The following ITIH6 variants were observed in gnomAD, a reference collection of about 807,000 sequenced individuals.
ITIH6 encodes the protein inter-alpha-trypsin inhibitor heavy chain H6.
A neutral mutation model predicts 58.2 loss-of-function variants in ITIH6; 60 were observed. That is an observed-to-expected ratio of 1.03 (90% CI 0.84 to 1.28). ITIH6 has a LOEUF of 1.28. Ranked by LOEUF, ITIH6 falls within the 50% of genes most tolerant of loss-of-function variation. The pLI is 0.00. For missense variants in ITIH6, 1,290 were observed against 1,021.1 expected, an observed-to-expected ratio of 1.26 and a Z score of -3.59; for synonymous variants, 493 against 417.4, an observed-to-expected ratio of 1.18 and a Z score of -2.21.
At chrX:54,770,453 G>A (rs1223264675) in intron 6 of ITIH6, among the ~76,000 whole-genome samples, 1 of 112,704 alleles carries the variant, frequency 8.9e-6, no homozygotes, top group Non-Finnish European at 1.9e-5. Flanking sequence ...GGCTTCTCTA[G>A]TTTTAACTGG....
chrX:54,785,691 C>T (rs776638172), intron 5 of ITIH6, among the ~76,000 whole-genome samples: 210 of 111,706 alleles, frequency 1.9e-3, no homozygotes, highest in African/African-American at 6.5e-3. Context: ...TGTCTGCCCA[C>T]TCCCTTCGCA....
chrX:54,774,432 T>G (rs1209299521), intron 5 of ITIH6, among the ~76,000 whole-genome samples: 1 of 113,066 alleles, frequency 8.8e-6, no homozygotes, highest in African/African-American at 3.2e-5. Flanking sequence ...GTGGAGGGAA[T>G]GAGACTGGCT....
At chrX:54,753,897 C>CA in intron 10 of ITIH6, 33 bp downstream of exon 10, 1 of 1,196,045 alleles carries the variant, frequency 8.4e-7, no homozygotes, top group Non-Finnish European at 1.1e-6. Context: ...GCCCTGTACT[C>CA]AAACAGGGGA....
intron 6 of ITIH6, among the ~76,000 whole-genome samples, chrX:54,768,646 T>TTTTATA (rs1217959070): frequency 1.8e-4 from 20 of 108,975 alleles, no homozygotes; most frequent in Admixed American, 1.8e-3. Flanking sequence ...GAAGCTTAGT[T>TTTTATA]TGGCTGGATA....
At chrX:54,765,704 C>T (rs767980310) in intron 6 of ITIH6, among the ~76,000 whole-genome samples, 82 of 108,177 alleles carry the variant, frequency 7.6e-4, no homozygotes, top group African/African-American at 2.2e-3. Context: ...CCTGGGTTCA[C>T]GAAGCGGCGT....
At position 54,757,137 on chromosome X, in the gene ITIH6, G is replaced by A; in HGVS notation, c.2937C>T (p.Gly979=). 7.4e-6 allele frequency: 9 copies of A among 1,211,568 alleles called. No homozygotes were observed. The highest frequency in any genetic ancestry group is 1.0e-5 in the Non-Finnish European group (9 of 895,443). ...LLNSSRPTPE[G]SPPNLPILLP... ...GCAAGATTGGCAGGTTTGGAGGGCT[G>A]CCTTCTGGTGTAGGCCTGGAGCTGT... Residue 979 remains glycine (G), a synonymous_variant, in exon 8 of 13, where the codon GGC becomes GGT. Coordinates refer to ENST00000218436, the MANE Select transcript of ITIH6 (RefSeq NM_198510.3).
At chrX:54,774,011 G>T (rs1929004224) in intron 6 of ITIH6, 70 bp downstream of exon 6, 2 of 634,871 alleles carry the variant, frequency 3.2e-6, no homozygotes, top group Non-Finnish European at 4.9e-6. Context: ...GGGCCCCATT[G>T]TTACCACGCT....
At chrX:54,778,677 C>T in intron 5 of ITIH6, among the ~76,000 whole-genome samples, 1 of 110,977 alleles carries the variant, frequency 9.0e-6, no homozygotes, top group Non-Finnish European at 1.9e-5. Flanking sequence ...GTTAGTGGCC[C>T]TAATGAGGAG....
chrX:54,752,271 G>T (rs1928380372), intron 11 of ITIH6, among the ~76,000 whole-genome samples: 1 of 111,759 alleles, frequency 8.9e-6, no homozygotes. Context: ...GCATTAAGAA[G>T]GACAAGACAT....
At chrX:54,788,045 C>G (rs1475786880) in intron 5 of ITIH6, among the ~76,000 whole-genome samples, 1 of 111,225 alleles carries the variant, frequency 9.0e-6, no homozygotes, top group African/African-American at 3.3e-5. Context: ...CTGAAGGACT[C>G]TCTGTTTAGG....
chrX:54,758,489 G>GTGGGCCACTGTGGTGGGCCA lies in ITIH6; in HGVS notation c.1584_1585insTGGCCCACCACAGTGGCCCA (p.Leu529TrpfsTer84), dbSNP rs1290870859. The GTGGGCCACTGTGGTGGGCCA allele has an allele frequency of 1.7e-6, 2 of 1,208,777 alleles. No homozygotes were observed. The highest frequency in any genetic ancestry group is 3.5e-5 in the African/African-American group (2 of 57,231). ...CCTTCACTGTGGTGGGCCACAAGAA[G>GTGGGCCACTGTGGTGGGCCA]CTGATCCTTGGGGCCACGGGCTGCC... is the stretch of plus-strand genomic sequence containing the variant. On this transcript the variant is annotated frameshift_variant, in exon 8 of 13. Transcript: ENST00000218436. LOFTEE classifies it high-confidence loss of function.
chrX:54,763,763 C>T (rs188082410), intron 6 of ITIH6, among the ~76,000 whole-genome samples: 89 of 111,863 alleles, frequency 8.0e-4, no homozygotes, highest in African/African-American at 1.4e-3. Flanking sequence ...ACTGATAAAG[C>T]GATGATGAAG....
intron 7 of ITIH6, 76 bp downstream of exon 7, chrX:54,759,680 G>T: frequency 1.2e-6 from 1 of 827,203 alleles, no homozygotes; most frequent in Non-Finnish European, 1.7e-6. Flanking sequence ...GGAGGATGGG[G>T]GAATGAAGAG....
chrX:54,759,651 C>A (rs1360470276), intron 7 of ITIH6, 105 bp downstream of exon 7: 2 of 626,739 alleles, frequency 3.2e-6, no homozygotes, highest in African/African-American at 4.6e-5. Context: ...CTTGATATTT[C>A]AGGAACTGTG....
intron 5 of ITIH6, among the ~76,000 whole-genome samples, chrX:54,781,598 T>C (rs200190209): frequency 7.1e-5 from 8 of 112,424 alleles, no homozygotes; most frequent in Admixed American, 6.6e-4. Context: ...GAAGGCAAGA[T>C]TGCAGAGAAA....
chrX:54,757,711 G>A lies in ITIH6; in HGVS notation c.2363C>T (p.Ala788Val). 1.7e-6 allele frequency: 2 copies of A among 1,211,583 alleles called. No individual in the cohort carries two copies. The highest frequency in any genetic ancestry group is 2.2e-6 in the Non-Finnish European group (2 of 895,404). Residue 788 changes from alanine to valine, a missense_variant, in exon 8 of 13, where the codon GCT becomes GTT. Transcript: ENST00000218436. ...TGCCCCAAGTTGGGGGTGCGATGGA[G>A]CACCAGGTTTGGAATGCAGTGGAGT... Reference protein sequence around the residue: ...CVTPLHSKPGAPSHPQLGALT... With the variant: ...CVTPLHSKPGVPSHPQLGALT...
intron 6 of ITIH6, among the ~76,000 whole-genome samples, chrX:54,762,101 T>C (rs1006186269): frequency 5.4e-5 from 6 of 112,032 alleles, no homozygotes; most frequent in African/African-American, 1.9e-4. Flanking sequence ...ATTTGTGTCC[T>C]GTTTTATTTC....
At chrX:54,753,865 C>A in intron 10 of ITIH6, 65 bp downstream of exon 10, 1 of 1,142,955 alleles carries the variant, frequency 8.7e-7, no homozygotes. Context: ...ATTTCCCCAG[C>A]CCCAGTCCCA....
intron 2 of ITIH6, among the ~76,000 whole-genome samples, chrX:54,794,468 C>T (rs1371592296): frequency 9.0e-6 from 1 of 111,124 alleles, no homozygotes; most frequent in Non-Finnish European, 1.9e-5. Flanking sequence ...CTTTTTGGTC[C>T]TTGATTCCCC....
Sources: gnomAD v4.1 joint callset for allele counts (sites outside exome capture counted in the v4.1 genomes callset) on GRCh38, gnomAD v4.1.1 for gene constraint, MANE v1.5 for transcripts, NCBI Gene and HGNC (gene_info 2026-07-23, HGNC 2026-07-21) for gene names.